KIF26A: variants seen among roughly 807,000 people sequenced by gnomAD.
KIF26A encodes kinesin family member 26A, also known as kinesin-like protein KIF26A.
In KIF26A, 74 loss-of-function variants were observed where a neutral mutation model predicts 126.0. The ratio of observed to expected loss-of-function variants is 0.59; its 90% CI spans 0.49 to 0.71. The LOEUF is 0.71. Ranked by LOEUF, KIF26A falls within the 30% of genes least tolerant of loss-of-function variation. The pLI, the probability that KIF26A is intolerant of heterozygous loss-of-function variation, is 0.00. For synonymous variants in KIF26A, 1,445 were observed against 1,232.7 expected (o/e 1.17, Z -3.61); for missense variants, 2,984 against 2,763.3 (o/e 1.08, Z -1.79).
At chr14:104,161,837 A>G (rs752295459) in intron 4 of KIF26A, among the ~76,000 whole-genome samples, 1 of 152,148 alleles carries the variant, frequency 6.6e-6, no homozygotes, top group African/African-American at 2.4e-5. Flanking sequence ...GGGGCTGTTT[A>G]TGCAGGTGAA....
chr14:104,179,495 G>A, intron 14 of KIF26A, 109 bp downstream of exon 14: 4 of 1,426,238 alleles, frequency 2.8e-6, no homozygotes, highest in Non-Finnish European at 3.7e-6. Context: ...GGGAAGGCTG[G>A]AAGGCAGGGT....
At position 104,177,855 on chromosome 14, in the gene KIF26A, C is replaced by G. The variant is rs200263517; in HGVS notation, c.5067C>G (p.Gly1689=). The part of the protein sequence containing the change: ...SMSESGAASP[G]ARTRSLKSPK... ...GCGAGAGTGGGGCTGCCTCCCCAGG[C>G]GCCCGCACCCGCAGCCTCAAGTCCC... The change falls in exon 12 of 15, where the codon GGC becomes GGG. Residue 1689 remains glycine (G), a synonymous_variant. Transcript: ENST00000423312. 3.1e-4 allele frequency: 482 copies of G among 1,558,018 alleles called. 1 individual carries two copies. Among genetic ancestry groups the G allele is most frequent in the Non-Finnish European group, 2.5e-4 (284 of 1,158,620 alleles).
At chr14:104,144,184 T>A (rs2037661320) in intron 2 of KIF26A, among the ~76,000 whole-genome samples, 2 of 152,108 alleles carry the variant, frequency 1.3e-5, no homozygotes. Flanking sequence ...TTCTTTGGGG[T>A]CCCAGGGGTT....
intron 13 of KIF26A, 128 bp downstream of exon 13, chr14:104,178,883 C>G (rs2038067825): frequency 1.6e-6 from 1 of 620,768 alleles, no homozygotes; most frequent in Non-Finnish European, 2.7e-6. Context: ...ACCTCACTTT[C>G]TGTCCACGTT....
intron 2 of KIF26A, 148 bp downstream of exon 2, chr14:104,139,436 C>A: frequency 9.4e-7 from 1 of 1,058,704 alleles, no homozygotes; most frequent in Non-Finnish European, 1.3e-6. Context: ...CTTCTGCGGG[C>A]CTCAGTTTCC....
At position 104,179,106 on chromosome 14, in the gene KIF26A, G is replaced by A. The variant is rs34866278; in HGVS notation, c.5317-130G>A. On this transcript the variant is annotated intron_variant, in intron 13 of 14. Transcript: ENST00000423312. Reference sequence around the variant, plus strand: ...GCTGCCCCAGGTCCGCCCCCTGCCCGCCCTTGGAGCCCCACTGTGTGCCTG... The same window carrying A: ...GCTGCCCCAGGTCCGCCCCCTGCCCACCCTTGGAGCCCCACTGTGTGCCTG... 1.4e-4 allele frequency: 152 copies of A among 1,120,304 alleles called. No individual in the cohort carries two copies. In the African/African-American group the frequency reaches 1.6e-3, roughly 12 times the overall value. 69.4% of individuals were successfully genotyped at this position (1,120,304 alleles called of 1,614,324 possible).
rs1466324474 is a variant in KIF26A, at chr14:104,176,764, C to G, written c.3976C>G (p.Pro1326Ala). The G allele has an allele frequency of 6.3e-7, 1 of 1,582,696 alleles. No homozygotes were observed. The highest frequency in any genetic ancestry group is 8.6e-7 in the Non-Finnish European group (1 of 1,165,840). ...TTPAVSWGDA[P>A]TEVVACSGSL... is the part of the protein sequence containing the mutation. ...GCCAGCTGTGTCCTGGGGAGATGCTCCCACGGAGGTGGTGGCCTGCTCGGG... is the reference window on the plus strand; with the variant it reads ...GCCAGCTGTGTCCTGGGGAGATGCTGCCACGGAGGTGGTGGCCTGCTCGGG... Residue 1326 changes from proline to alanine, a missense_variant, in exon 12 of 15, where the codon CCC (proline) becomes GCC (alanine). Coordinates refer to ENST00000423312, the MANE Select transcript of KIF26A (RefSeq NM_015656.2).
intron 10 of KIF26A, 111 bp downstream of exon 10, chr14:104,173,979 C>G (rs1258590936): frequency 7.7e-6 from 11 of 1,426,982 alleles, no homozygotes; most frequent in Non-Finnish European, 6.5e-6. Context: ...CAGGGCTTTG[C>G]TCCTCCACCA....
Position 104,142,715 on chromosome 14 carries a change from C to T in KIF26A, c.288+3427C>T, listed in dbSNP as rs563461042. ...TCGCTTCCCCATGCTCACCCACCAC[C>T]GCAAACTGTTGTGGCAGACCTCTTC... On this transcript the variant is annotated intron_variant, in intron 2 of 14. Transcript: ENST00000423312. Among the ~76,000 whole-genome samples the T allele has an allele frequency of 1.7e-4, 26 of 152,322 alleles. No homozygotes were observed. In the South Asian group the frequency reaches 4.6e-3, roughly 27 times the overall value.
At position 104,148,042 on chromosome 14, in the gene KIF26A, G is replaced by A. The variant is rs527245852; in HGVS notation, c.289-3973G>A. ...CTGTCCCAGGGTGGCCTTACCTGGC[G>A]GGGAGGTTTGATCAGCTGTTCTTTC... is the stretch of plus-strand genomic sequence containing the variant. On this transcript the variant is annotated intron_variant, in intron 2 of 14. Coordinates refer to ENST00000423312, the MANE Select transcript of KIF26A (RefSeq NM_015656.2). This position sits in a 1 kb window ranked among gnomAD's most constrained non-coding sequence, Gnocchi z 4.3. Among the ~76,000 whole-genome samples, 8 of 152,346 alleles carry A rather than the reference G, an allele frequency of 5.3e-5. No homozygotes were observed. The highest frequency in any genetic ancestry group is 1.2e-4 in the African/African-American group (5 of 41,584).
chr14:104,175,408 G>T lies in KIF26A; in HGVS notation c.2620G>T (p.Gly874Trp), dbSNP rs765433876. 4 of 1,594,956 alleles carry T rather than the reference G, an allele frequency of 2.5e-6. No homozygotes were observed. Among genetic ancestry groups the T allele is most frequent in the East Asian group, 2.2e-5 (1 of 44,516 alleles). ...CGGAGCTCAGGCCAGCCCCGCCCGAGGGGGCCGGAAGCCCTCGCCACCAGA... is the reference window on the plus strand; with the variant it reads ...CGGAGCTCAGGCCAGCCCCGCCCGATGGGGCCGGAAGCCCTCGCCACCAGA... ...TDGAQASPAR[G>W]GRKPSPPEAA... The change falls in exon 12 of 15, where the codon GGG becomes TGG. Residue 874 changes from glycine (G) to tryptophan (W), a missense_variant. Gly to Trp is a radical substitution (Grantham distance 184, BLOSUM62 -2). Coordinates refer to ENST00000423312, the MANE Select transcript of KIF26A (RefSeq NM_015656.2).
Position 104,180,456 on chromosome 14 carries a change from A to G in KIF26A, c.*666A>G, listed in dbSNP as rs1229201860. ...CTCTTCCACGGCAGGAATTTTTACC[A>G]AAACCACAAGCAAAAAACAAAACAG... On this transcript the variant is annotated 3_prime_UTR_variant, in exon 15 of 15. Coordinates refer to ENST00000423312, the MANE Select transcript of KIF26A (RefSeq NM_015656.2). 6.6e-6 allele frequency: 1 copy of G among 152,218 alleles called. No individual in the cohort carries two copies. The highest frequency in any genetic ancestry group is 1.5e-5 in the Non-Finnish European group (1 of 68,052). The allele number at this position is 152,218 out of a possible 1,614,324, so 9.4% of individuals were successfully genotyped here. A position where few individuals can be genotyped will look rare whatever the true frequency, so the allele number is the denominator to read the frequency against.
chr14:104,174,898 T>C, intron 11 of KIF26A, 84 bp from the exon 12 acceptor site: 2 of 1,369,360 alleles, frequency 1.5e-6, no homozygotes, highest in Non-Finnish European at 9.7e-7. Context: ...GACCGCAGCA[T>C]TGGCCCTGTG....
chr14:104,160,505 C>T (rs1226077533), intron 4 of KIF26A, among the ~76,000 whole-genome samples: 1 of 152,112 alleles, frequency 6.6e-6, no homozygotes, highest in Non-Finnish European at 1.5e-5. Flanking sequence ...CATGCCCTCA[C>T]CCCCTGGGTG....
At position 104,152,211 on chromosome 14, in the gene KIF26A, C is replaced by T; in HGVS notation, c.485C>T (p.Ala162Val). 1 of 1,601,310 alleles carries T rather than the reference C, an allele frequency of 6.2e-7. No individual in the cohort carries two copies. Reference protein sequence around the residue: ...LDAPHGGPSLAPPSTTTSSRD... With the variant: ...LDAPHGGPSLVPPSTTTSSRD... ...GCCCCCCATGGAGGCCCCAGCCTCGCACCCCCCAGCACCACGACCAGCTCG... is the reference window on the plus strand; with the variant it reads ...GCCCCCCATGGAGGCCCCAGCCTCGTACCCCCCAGCACCACGACCAGCTCG... The change falls in exon 3 of 15, where the codon GCA (alanine) becomes GTA (valine). Residue 162 changes from alanine to valine, a missense_variant. Transcript: ENST00000423312. The surrounding 1 kb of genome is among the most constrained non-coding windows in gnomAD (Gnocchi z 5.9).
At chr14:104,160,438 G>A (rs1203718743) in intron 4 of KIF26A, among the ~76,000 whole-genome samples, 4 of 152,176 alleles carry the variant, frequency 2.6e-5, no homozygotes, top group African/African-American at 9.7e-5. Flanking sequence ...ATGGGTGCCC[G>A]GGTACCCGAG....
At chr14:104,140,854 G>A (rs1439778523) in intron 2 of KIF26A, among the ~76,000 whole-genome samples, 1 of 152,196 alleles carries the variant, frequency 6.6e-6, no homozygotes, top group East Asian at 1.9e-4. Context: ...TCAGCACACC[G>A]GGGTCCCGGG....
intron 3 of KIF26A, among the ~76,000 whole-genome samples, chr14:104,156,185 A>G (rs1170479647): frequency 6.6e-6 from 1 of 152,204 alleles, no homozygotes; most frequent in Non-Finnish European, 1.5e-5. Flanking sequence ...TAATGTTGTA[A>G]CTTTAAAGAT....
intron 2 of KIF26A, among the ~76,000 whole-genome samples, chr14:104,144,100 G>A (rs969218957): frequency 6.6e-6 from 1 of 152,240 alleles, no homozygotes; most frequent in Non-Finnish European, 1.5e-5. Flanking sequence ...AGGCGGTGCT[G>A]CCTCCGGGAT....
Sources: allele counts gnomAD v4.1 joint callset (sites outside exome capture counted in the v4.1 genomes callset), GRCh38; gene constraint gnomAD v4.1.1; non-coding constraint Gnocchi (gnomAD v3.1); transcripts MANE v1.5; gene names NCBI Gene and HGNC (gene_info 2026-07-23, HGNC 2026-07-21).